The following IGSF9B variants were observed in gnomAD, a reference collection of about 807,000 sequenced individuals.
IGSF9B encodes protein turtle homolog B.
In IGSF9B, 48 loss-of-function variants were observed where a neutral mutation model predicts 143.7. The ratio of observed to expected loss-of-function variants is 0.33; its 90% CI spans 0.26 to 0.42. IGSF9B has a LOEUF of 0.42. IGSF9B is among the 20% of genes least tolerant of loss of function. The pLI, the probability that IGSF9B is intolerant of heterozygous loss-of-function variation, is 1.00. For missense variants in IGSF9B, 1,706 were observed against 1,980.0 expected (o/e 0.86, Z 2.63); for synonymous variants, 903 against 833.1 (o/e 1.08, Z -1.44).
rs912409755 is a variant in IGSF9B at position 133,948,062 on chromosome 11, T to C, written c.65-1804A>G. ...CTGTCTACCAGCATGTGTGCGTGTG[T>C]GTGTGTGTGTGTGTGTGTGTGTGTG... On this transcript the variant is annotated intron_variant, in intron 1 of 19. Transcript: ENST00000533871. The surrounding 1 kb of genome is among the most constrained non-coding windows in gnomAD (Gnocchi z 4.7). 5.0e-4 allele frequency among the ~76,000 whole-genome samples: 25 copies of C among 50,334 alleles called. No individual in the cohort carries two copies. The highest frequency in any genetic ancestry group is 9.8e-4 in the African/African-American group (24 of 24,488). 33.0% of individuals were successfully genotyped at this position (50,334 alleles called of 152,430 possible). A position where few individuals can be genotyped will look rare whatever the true frequency, so the allele number is the denominator to read the frequency against.
rs1007942130 is a variant in IGSF9B, at chr11:133,902,933, C to T, written c.*6136G>A. Reference sequence around the variant, plus strand: ...GAGGAGGGCTGGGCACTCGCCCCTCCCATGGCTTATATGAAAACCCCACAC... The same window carrying T: ...GAGGAGGGCTGGGCACTCGCCCCTCTCATGGCTTATATGAAAACCCCACAC... On this transcript the variant is annotated 3_prime_UTR_variant, in exon 20 of 20. Coordinates refer to ENST00000533871, the MANE Select transcript of IGSF9B (RefSeq NM_001277285.4). Among the ~76,000 whole-genome samples, 2 of 152,166 alleles carry T rather than the reference C, an allele frequency of 1.3e-5. No individual in the cohort carries two copies. The highest frequency in any genetic ancestry group is 6.5e-5 in the Admixed American group (1 of 15,268).
At chr11:133,930,500 G>A (rs941043155) in intron 11 of IGSF9B, among the ~76,000 whole-genome samples, 2 of 152,168 alleles carry the variant, frequency 1.3e-5, no homozygotes, top group Non-Finnish European at 2.9e-5. Context: ...AAGGTCCTGG[G>A]ACACGCGCTT....
At chr11:133,923,276 A>G (rs1283193937) in intron 15 of IGSF9B, among the ~76,000 whole-genome samples, 1 of 152,228 alleles carries the variant, frequency 6.6e-6, no homozygotes, top group Admixed American at 6.5e-5. Flanking sequence ...ACTTGAGGAT[A>G]AAATACGACT....
intron 1 of IGSF9B, among the ~76,000 whole-genome samples, chr11:133,954,711 A>G (rs1940219523): frequency 6.6e-6 from 1 of 152,168 alleles, no homozygotes; most frequent in South Asian, 2.1e-4. Flanking sequence ...ACACAGCCAG[A>G]ATCTGAATCC....
At chr11:133,952,478 G>A (rs1206062770) in intron 1 of IGSF9B, among the ~76,000 whole-genome samples, 1 of 152,174 alleles carries the variant, frequency 6.6e-6, no homozygotes, top group Non-Finnish European at 1.5e-5. Flanking sequence ...GCACGGAGAG[G>A]AGTGGCCCCC....
chr11:133,937,951 G>T lies in IGSF9B; in HGVS notation c.420C>A (p.Thr140=). The T allele has an allele frequency of 1.2e-6, 2 of 1,613,312 alleles. No individual in the cohort carries two copies. The highest frequency in any genetic ancestry group is 4.5e-5 in the East Asian group (2 of 44,864). The change falls in exon 4 of 20, where the codon ACC becomes ACA. Residue 140 remains threonine (T), a synonymous_variant. Transcript: ENST00000533871. ...TGTACTGGGGGGGTGTTTCTGTAAA[G>T]GTGGGAGGGGCTGCAAAGGAGACCA... ...WVHLTINAPP[T]FTETPPQYIE...
In IGSF9B at chr11:133,932,152, G is replaced by A; in HGVS notation, c.1029C>T (p.Tyr343=). 1.9e-6 allele frequency: 3 copies of A among 1,611,176 alleles called. No homozygotes were observed. Among genetic ancestry groups the A allele is most frequent in the East Asian group, 2.2e-5 (1 of 44,772 alleles). ...GTTCTGCGTCCACAGGGCAGCGGAT[G>A]TAGCCATGGATCCCCACGGGCACGT... ...VIYVPVGIHG[Y]IRCPVDAEPP... The change falls in exon 8 of 20, where the codon TAC becomes TAT. Residue 343 remains tyrosine, a synonymous_variant. Coordinates refer to ENST00000533871, the MANE Select transcript of IGSF9B (RefSeq NM_001277285.4).
intron 7 of IGSF9B, 125 bp downstream of exon 7, chr11:133,935,492 T>C: frequency 8.9e-7 from 1 of 1,128,798 alleles, no homozygotes; most frequent in Non-Finnish European, 1.2e-6. Flanking sequence ...TCTTCTCTTA[T>C]TCGCTCCTCC....
intron 1 of IGSF9B, among the ~76,000 whole-genome samples, chr11:133,956,247 C>T (rs1403207053): frequency 3.3e-5 from 5 of 152,190 alleles, no homozygotes; most frequent in Non-Finnish European, 7.4e-5. Context: ...CCGGGTCGCG[C>T]CTCCCTGCAG....
In IGSF9B at chr11:133,897,259, CCA is replaced by C. The variant is rs1939035169; in HGVS notation, c.*11808_*11809del. 1 of 152,214 alleles carries C rather than the reference CCA, an allele frequency of 6.6e-6. No homozygotes were observed. 9.4% of individuals were successfully genotyped at this position (152,214 alleles called of 1,614,324 possible). A position where few individuals can be genotyped will look rare whatever the true frequency, so the allele number is the denominator to read the frequency against. On this transcript the variant is annotated 3_prime_UTR_variant, in exon 20 of 20. Coordinates refer to ENST00000533871, the MANE Select transcript of IGSF9B (RefSeq NM_001277285.4). ...CCTTCATTCCCACACCGCCCCACTC[CCA>C]GAGCCAACCTGGGCCTCCCTTCAAG...
At chr11:133,949,270 C>T (rs760346835) in intron 1 of IGSF9B, among the ~76,000 whole-genome samples, 1 of 152,138 alleles carries the variant, frequency 6.6e-6, no homozygotes, top group Non-Finnish European at 1.5e-5. Context: ...AGCCCTCTTG[C>T]TTTTCTGGAT....
rs934532384 is a variant in IGSF9B at position 133,931,086 on chromosome 11, G to C, written c.1417C>G (p.Leu473Val). 1.2e-6 allele frequency: 2 copies of C among 1,613,802 alleles called. No individual in the cohort carries two copies. The highest frequency in any genetic ancestry group is 1.7e-6 in the Non-Finnish European group (2 of 1,179,808). ...SKHSALPSGS[L>V]QFRALSKEDH... is the part of the protein sequence containing the mutation. ...TCCTTACTCAGGGCACGGAACTGCAGGCTCCCACTGGGCAGGGCACTGTGC... is the reference window on the plus strand; with the variant it reads ...TCCTTACTCAGGGCACGGAACTGCACGCTCCCACTGGGCAGGGCACTGTGC... Residue 473 changes from leucine (L) to valine (V), a missense_variant, in exon 11 of 20, where the codon CTG becomes GTG. Around this residue, in one of 7 missense-constraint regions of IGSF9B, gnomAD observed 238 missense variants for 452.6 expected, o/e 0.53. Coordinates refer to ENST00000533871, the MANE Select transcript of IGSF9B (RefSeq NM_001277285.4). The surrounding 1 kb of genome is among the most constrained non-coding windows in gnomAD (Gnocchi z 7.7).
At position 133,953,357 on chromosome 11, in the gene IGSF9B, C is replaced by G. The variant is rs1346278256; in HGVS notation, c.64+3334G>C. ...AAGCCCTTCTCACATCCCCGTCTCCCCAGCTTCCCACAGGGCACAGGCTGC... is the reference window on the plus strand; with the variant it reads ...AAGCCCTTCTCACATCCCCGTCTCCGCAGCTTCCCACAGGGCACAGGCTGC... On this transcript the variant is annotated intron_variant, in intron 1 of 19. Transcript: ENST00000533871. The surrounding 1 kb of genome is among the most constrained non-coding windows in gnomAD (Gnocchi z 4.2). Among the ~76,000 whole-genome samples the G allele has an allele frequency of 1.3e-5, 2 of 152,170 alleles. No homozygotes were observed. Among genetic ancestry groups the G allele is most frequent in the African/African-American group, 2.4e-5 (1 of 41,446 alleles).
chr11:133,944,423 C>T, intron 2 of IGSF9B, 57 bp from the exon 3 acceptor site: 2 of 1,567,920 alleles, frequency 1.3e-6, no homozygotes, highest in Non-Finnish European at 1.7e-6. Flanking sequence ...ACAGCAGCTC[C>T]CCGCCCCCTG....
Position 133,931,902 on chromosome 11 carries a change from T to TC in IGSF9B, c.1111-108dup. 6.5e-7 allele frequency: 1 copy of TC among 1,527,898 alleles called. No homozygotes were observed. The highest frequency in any genetic ancestry group is 8.8e-7 in the Non-Finnish European group (1 of 1,135,904). 94.6% of individuals were successfully genotyped at this position (1,527,898 alleles called of 1,614,324 possible). A position where few individuals can be genotyped will look rare whatever the true frequency, so the allele number is the denominator to read the frequency against. ...GCAGCACGCAGGATAGTACAGGAGC[T>TC]CCAGCCCGGGGCGGGCGGCACCCGC... On this transcript the variant is annotated intron_variant, in intron 8 of 19. Transcript: ENST00000533871. The surrounding 1 kb of genome is among the most constrained non-coding windows in gnomAD (Gnocchi z 7.7).
intron 2 of IGSF9B, among the ~76,000 whole-genome samples, chr11:133,944,906 T>A (rs1940018702): frequency 6.6e-6 from 1 of 152,016 alleles, no homozygotes; most frequent in African/African-American, 2.4e-5. Context: ...TAGGGTCCCC[T>A]CCCAGTCCTG....
At chr11:133,954,013 T>C (rs1940208990) in intron 1 of IGSF9B, among the ~76,000 whole-genome samples, 1 of 152,116 alleles carries the variant, frequency 6.6e-6, no homozygotes, top group Non-Finnish European at 1.5e-5. Flanking sequence ...ACATCATCCC[T>C]TTCCCCCTCT....
rs1939720590 is a variant in IGSF9B at position 133,931,126 on chromosome 11, C to T, written c.1377G>A (p.Lys459=). 1 of 1,611,934 alleles carries T rather than the reference C, an allele frequency of 6.2e-7. No homozygotes were observed. Among genetic ancestry groups the T allele is most frequent in the Non-Finnish European group, 8.5e-7 (1 of 1,178,796 alleles). ...FPVITWRKVG[K]PSRSKHSALP... The stretch of plus-strand genomic sequence containing the variant: ...GGGCACTGTGCTTGCTTCTGCTGGG[C>T]TTCCCTACCTTGGTGAACAAGGGGC... Residue 459 remains lysine (K), a synonymous_variant, in exon 11 of 20, where the codon AAG becomes AAA. Coordinates refer to ENST00000533871, the MANE Select transcript of IGSF9B (RefSeq NM_001277285.4). This position sits in a 1 kb window ranked among gnomAD's most constrained non-coding sequence, Gnocchi z 7.7.
In IGSF9B at chr11:133,931,914, C is replaced by T. The variant is rs907749201; in HGVS notation, c.1111-119G>A. On this transcript the variant is annotated intron_variant, in intron 8 of 19. Transcript: ENST00000533871. This position sits in a 1 kb window ranked among gnomAD's most constrained non-coding sequence, Gnocchi z 7.7. Reference sequence around the variant, plus strand: ...ATAGTACAGGAGCTCCAGCCCGGGGCGGGCGGCACCCGCAGACCCCTACAG... The same window carrying T: ...ATAGTACAGGAGCTCCAGCCCGGGGTGGGCGGCACCCGCAGACCCCTACAG... The T allele has an allele frequency of 9.3e-6, 14 of 1,502,660 alleles. No individual in the cohort carries two copies. The African/African-American group carries it at 9.9e-5, about 11-fold the overall frequency. 93.1% of individuals were successfully genotyped at this position (1,502,660 alleles called of 1,614,324 possible). A position where few individuals can be genotyped will look rare whatever the true frequency, so the allele number is the denominator to read the frequency against.
Sources: allele counts gnomAD v4.1 joint callset (sites outside exome capture counted in the v4.1 genomes callset), GRCh38; gene constraint gnomAD v4.1.1; regional missense constraint gnomAD v4.1.1; non-coding constraint Gnocchi (gnomAD v3.1); transcripts MANE v1.5; gene names NCBI Gene and HGNC (gene_info 2026-07-23, HGNC 2026-07-21).